The following PLCG1 variants were observed in gnomAD, a reference collection of about 807,000 sequenced individuals.
PLCG1 encodes 1-phosphatidylinositol 4,5-bisphosphate phosphodiesterase gamma-1.
Under a neutral mutation model 177.8 loss-of-function variants are expected in PLCG1, and 71 were observed. The ratio of observed to expected loss-of-function variants is 0.40; its 90% confidence interval spans 0.33 to 0.49. The LOEUF (loss-of-function observed/expected upper bound fraction) is 0.49. Ranked by LOEUF, PLCG1 falls within the 20% of genes least tolerant of loss-of-function variation. PLCG1 has a pLI of 0.72. For missense variants in PLCG1, 1,281 were observed against 1,709.0 expected, an observed-to-expected ratio of 0.75 and a Z score of 4.42; for synonymous variants, 658 against 647.9, an observed-to-expected ratio of 1.02 and a Z score of -0.24.
rs2035685504 is a variant in PLCG1, at chr20:41,166,191, C to T, written c.1800-3C>T. On this transcript the variant is annotated splice_polypyrimidine_tract_variant and splice_region_variant and intron_variant, in intron 16 of 31. Coordinates refer to ENST00000685551, the MANE Select transcript of PLCG1 (RefSeq NM_002660.3). This position sits in a 1 kb window ranked among gnomAD's most constrained non-coding sequence, Gnocchi z 8.6. ...AGCCTCCCTCACTCTGTGTCTTCCA[C>T]AGGCGGAACGGGAAAGTCCAGCACT... The T allele has an allele frequency of 1.9e-6, 3 of 1,612,044 alleles. No individual in the cohort carries two copies. Among genetic ancestry groups the T allele is most frequent in the South Asian group, 2.2e-5 (2 of 91,088 alleles).
chr20:41,162,979 G>A lies in PLCG1; in HGVS notation c.703G>A (p.Ala235Thr). The A allele has an allele frequency of 6.2e-6, 10 of 1,614,112 alleles. No homozygotes were observed. The highest frequency in any genetic ancestry group is 8.5e-6 in the Non-Finnish European group (10 of 1,179,966). The change falls in exon 7 of 32, where the codon GCC (alanine) becomes ACC (threonine). Residue 235 changes from alanine to threonine, a missense_variant. By Grantham distance (58) the Ala-to-Thr change is moderately conservative. Around this residue, in one of 4 missense-constraint regions of PLCG1, gnomAD observed 374 missense variants for 443.8 expected, o/e 0.84. Transcript: ENST00000685551. ...GCAGATGGACCTCCCCTTCTTGGAA[G>A]CCAGTACTCTGAGGTTTGGTTTGGA... ...QKTMDLPFLE[A>T]STLRAGERPE...
In PLCG1 at chr20:41,173,069, T is replaced by C. The variant is rs1263725271; in HGVS notation, c.3279+192T>C. The stretch of plus-strand genomic sequence containing the variant: ...TATGCATCTAGGACGTGCAGAGCCA[T>C]GGTGTGACTTGTTCTGATGACTTGT... On this transcript the variant is annotated intron_variant, in intron 27 of 31. Transcript: ENST00000685551. The surrounding 1 kb of genome is among the most constrained non-coding windows in gnomAD (Gnocchi z 6.2). Among the ~76,000 whole-genome samples, 1 of 152,188 alleles carries C rather than the reference T, an allele frequency of 6.6e-6. No individual in the cohort carries two copies. Among genetic ancestry groups the C allele is most frequent in the Non-Finnish European group, 1.5e-5 (1 of 68,026 alleles).
chr20:41,165,892 A>G lies in PLCG1; in HGVS notation c.1799+66A>G. On this transcript the variant is annotated intron_variant, in intron 16 of 31. Transcript: ENST00000685551. This position sits in a 1 kb window ranked among gnomAD's most constrained non-coding sequence, Gnocchi z 6.6. The stretch of plus-strand genomic sequence containing the variant: ...TGTACACAGACATCACATCACCCAG[A>G]GATAATCAGTTAACATTTGAGCCTT... 1 of 1,296,722 alleles carries G rather than the reference A, an allele frequency of 7.7e-7. No individual in the cohort carries two copies. The allele number at this position is 1,296,722 out of a possible 1,614,324, so 80.3% of individuals were successfully genotyped here.
intron 24 of PLCG1, among the ~76,000 whole-genome samples, chr20:41,171,655 G>T (rs185215468): frequency 1.4e-4 from 21 of 149,918 alleles, no homozygotes; most frequent in Admixed American, 1.4e-3. Context: ...TGGGGTGCTT[G>T]TAAGTGGGCT....
rs1190689776 is a variant in PLCG1, at chr20:41,163,511, A to G, written c.891+32A>G. The G allele has an allele frequency of 6.6e-7, 1 of 1,505,994 alleles. No homozygotes were observed. Among genetic ancestry groups the G allele is most frequent in the Non-Finnish European group, 9.2e-7 (1 of 1,084,556 alleles). The allele number at this position is 1,505,994 out of a possible 1,614,324, so 93.3% of individuals were successfully genotyped here. On this transcript the variant is annotated intron_variant, in intron 9 of 31. Transcript: ENST00000685551. The surrounding 1 kb of genome is among the most constrained non-coding windows in gnomAD (Gnocchi z 5.2). ...CCGATGTTTCACCCATTTTTTGTCAAGAGAATGAGTAGGGGTGACCAGGAC... is the reference window on the plus strand; with the variant it reads ...CCGATGTTTCACCCATTTTTTGTCAGGAGAATGAGTAGGGGTGACCAGGAC...
In PLCG1 at chr20:41,137,688, C is replaced by A; in HGVS notation, c.47C>A (p.Ala16Glu). The change falls in exon 1 of 32, where the codon GCG becomes GAG. Residue 16 changes from alanine to glutamate, a missense_variant. Physicochemically the swap from Ala to Glu is moderately radical, Grantham distance 107 (BLOSUM62 -1). Transcript: ENST00000685551. The surrounding 1 kb of genome is among the most constrained non-coding windows in gnomAD (Gnocchi z 7.3). ...SPCANGCGPGAPSDAEVLHLC... is the reference protein window; with the variant it reads ...SPCANGCGPGEPSDAEVLHLC... ...TGCGCCAACGGCTGCGGGCCCGGCG[C>A]GCCCTCGGACGCCGAGGTGCTGCAC... is the stretch of plus-strand genomic sequence containing the variant. 1 of 1,321,002 alleles carries A rather than the reference C, an allele frequency of 7.6e-7. No individual in the cohort carries two copies. The highest frequency in any genetic ancestry group is 9.7e-7 in the Non-Finnish European group (1 of 1,034,528). 81.8% of individuals were successfully genotyped at this position (1,321,002 alleles called of 1,614,324 possible).
rs765960729 is a variant in PLCG1, at chr20:41,167,980, T to C, written c.2379+51T>C. On this transcript the variant is annotated intron_variant, in intron 20 of 31. Coordinates refer to ENST00000685551, the MANE Select transcript of PLCG1 (RefSeq NM_002660.3). The surrounding 1 kb of genome is among the most constrained non-coding windows in gnomAD (Gnocchi z 4.4). The stretch of plus-strand genomic sequence containing the variant: ...GAAGCTGGGGAGGGTCCCCAGCTGC[T>C]TGGGGCTTCATTTCTGTGTTCTGGG... The C allele has an allele frequency of 8.1e-6, 10 of 1,235,152 alleles. No individual in the cohort carries two copies. The highest frequency in any genetic ancestry group is 2.3e-5 in the East Asian group (1 of 43,122). The allele number at this position is 1,235,152 out of a possible 1,614,324, so 76.5% of individuals were successfully genotyped here. A position where few individuals can be genotyped will look rare whatever the true frequency, so the allele number is the denominator to read the frequency against.
rs1038077093 is a variant in PLCG1 at position 41,167,647 on chromosome 20, C to G, written c.2302-205C>G. On this transcript the variant is annotated intron_variant, in intron 19 of 31. Transcript: ENST00000685551. This position sits in a 1 kb window ranked among gnomAD's most constrained non-coding sequence, Gnocchi z 4.4. ...TTTTAGAATCCTGGGCTGGGCCTTA[C>G]ATGTAAGAATGTGAAGAAAGGAAAG... The G allele has an allele frequency of 1.7e-6, 1 of 581,546 alleles. No homozygotes were observed. Among genetic ancestry groups the G allele is most frequent in the South Asian group, 2.1e-5 (1 of 48,216 alleles). The allele number at this position is 581,546 out of a possible 1,614,324, so 36.0% of individuals were successfully genotyped here. A position where few individuals can be genotyped will look rare whatever the true frequency, so the allele number is the denominator to read the frequency against.
chr20:41,169,334 C>T, intron 22 of PLCG1, 123 bp from the exon 23 acceptor site: 1 of 941,550 alleles, frequency 1.1e-6, no homozygotes, highest in Non-Finnish European at 1.7e-6. Flanking sequence ...CTCCCATATA[C>T]CTGTGCTACA....
chr20:41,160,062 C>G lies in PLCG1; in HGVS notation c.465-44C>G. 1 of 1,609,788 alleles carries G rather than the reference C, an allele frequency of 6.2e-7. No homozygotes were observed. Among genetic ancestry groups the G allele is most frequent in the Non-Finnish European group, 8.5e-7 (1 of 1,176,046 alleles). On this transcript the variant is annotated intron_variant, in intron 3 of 31. Transcript: ENST00000685551. The surrounding 1 kb of genome is among the most constrained non-coding windows in gnomAD (Gnocchi z 5.5). ...GTGCCCAGACATCTCCCAGGCCTGA[C>G]TGTAGATGGAGAAGTGGCCCTCACC...
rs1334644010 is a variant in PLCG1 at position 41,177,370 on chromosome 20, G to A, written c.*2861G>A. On this transcript the variant is annotated 3_prime_UTR_variant, in exon 32 of 32. Transcript: ENST00000685551. ...ATGGCAGGAGCAGTTTCTGACCTCA[G>A]TTGAGTATCTGTGGCCATGAGCAGA... The A allele has an allele frequency of 6.6e-6, 1 of 152,272 alleles. No homozygotes were observed. 9.4% of individuals were successfully genotyped at this position (152,272 alleles called of 1,614,324 possible).
At position 41,166,896 on chromosome 20, in the gene PLCG1, G is replaced by A. The variant is rs768505471; in HGVS notation, c.2301+37G>A. On this transcript the variant is annotated intron_variant, in intron 19 of 31. Coordinates refer to ENST00000685551, the MANE Select transcript of PLCG1 (RefSeq NM_002660.3). This position sits in a 1 kb window ranked among gnomAD's most constrained non-coding sequence, Gnocchi z 8.6. ...GTGGTAGACGGGGCATGGCAGGGGA[G>A]GCAGGAGAGACCCAGAATCTTACCA... 1.3e-6 allele frequency: 2 copies of A among 1,584,800 alleles called. No homozygotes were observed. Among genetic ancestry groups the A allele is most frequent in the African/African-American group, 1.3e-5 (1 of 74,380 alleles).
In PLCG1 at chr20:41,147,741, A is replaced by G. The variant is rs2035037782; in HGVS notation, c.217+9883A>G. On this transcript the variant is annotated intron_variant, in intron 1 of 31. Coordinates refer to ENST00000685551, the MANE Select transcript of PLCG1 (RefSeq NM_002660.3). The surrounding 1 kb of genome is among the most constrained non-coding windows in gnomAD (Gnocchi z 4.0). Reference sequence around the variant, plus strand: ...TCAGGCGCCTGTAACCCAGCTACTCAGGAAGCTGAGGCAGGATAATTGCTT... The same window carrying G: ...TCAGGCGCCTGTAACCCAGCTACTCGGGAAGCTGAGGCAGGATAATTGCTT... Among the ~76,000 whole-genome samples the G allele has an allele frequency of 1.3e-5, 2 of 152,122 alleles. No homozygotes were observed. Among genetic ancestry groups the G allele is most frequent in the Non-Finnish European group, 1.5e-5 (1 of 68,026 alleles).
rs2035048380 is a variant in PLCG1 at position 41,148,018 on chromosome 20, G to A, written c.217+10160G>A. On this transcript the variant is annotated intron_variant, in intron 1 of 31. Coordinates refer to ENST00000685551, the MANE Select transcript of PLCG1 (RefSeq NM_002660.3). The surrounding 1 kb of genome is among the most constrained non-coding windows in gnomAD (Gnocchi z 4.3). ...TTGGCTTGGGCTGGCATGGCGCAAA[G>A]GGAGTGCAGCCAGATGCTGTGGCGG... is the stretch of plus-strand genomic sequence containing the variant. Among the ~76,000 whole-genome samples the A allele has an allele frequency of 6.6e-6, 1 of 152,152 alleles. No homozygotes were observed. Among genetic ancestry groups the A allele is most frequent in the South Asian group, 2.1e-4 (1 of 4,834 alleles).
At position 41,169,449 on chromosome 20, in the gene PLCG1, T is replaced by C. The variant is rs757796792; in HGVS notation, c.2581-8T>C. The C allele has an allele frequency of 1.9e-6, 3 of 1,610,848 alleles. No individual in the cohort carries two copies. In the East Asian group the frequency reaches 6.7e-5, roughly 36 times the overall value. On this transcript the variant is annotated splice_region_variant and splice_polypyrimidine_tract_variant and intron_variant, in intron 22 of 31. Transcript: ENST00000685551. Reference sequence around the variant, plus strand: ...ATGCTGACCATTGGTGGGCTTTGCTTCCCACAGCACTTGGACGAGAACAGC... The same window carrying C: ...ATGCTGACCATTGGTGGGCTTTGCTCCCCACAGCACTTGGACGAGAACAGC...
chr20:41,165,798 T>G lies in PLCG1; in HGVS notation c.1771T>G (p.Phe591Val). 6.3e-7 allele frequency: 1 copy of G among 1,595,432 alleles called. No homozygotes were observed. Among genetic ancestry groups the G allele is most frequent in the Non-Finnish European group, 8.6e-7 (1 of 1,167,516 alleles). The change falls in exon 16 of 32, where the codon TTC (phenylalanine) becomes GTC (valine). Residue 591 changes from phenylalanine (F) to valine (V), a missense_variant. Coordinates refer to ENST00000685551, the MANE Select transcript of PLCG1 (RefSeq NM_002660.3). The surrounding 1 kb of genome is among the most constrained non-coding windows in gnomAD (Gnocchi z 6.6). ...CTTCCTCGTGCGAGAGAGTGAGACC[T>G]TCGTGGGCGACTACACGCTCTCTTT... Reference protein sequence around the residue: ...GSFLVRESETFVGDYTLSFWR... With the variant: ...GSFLVRESETVVGDYTLSFWR...
chr20:41,152,610 A>G (rs2035199573), intron 1 of PLCG1, among the ~76,000 whole-genome samples: 1 of 152,232 alleles, frequency 6.6e-6, no homozygotes, highest in African/African-American at 2.4e-5. Context: ...CTGTTAGATA[A>G]TTAGCTCTGG....
chr20:41,172,925 C>T lies in PLCG1; in HGVS notation c.3279+48C>T, dbSNP rs771909158. ...TCAGGGTAGGAAAGGGGCTGCTTGC[C>T]GTTGGAGTCTGTTTATGTTGAGTTC... is the stretch of plus-strand genomic sequence containing the variant. On this transcript the variant is annotated intron_variant, in intron 27 of 31. Transcript: ENST00000685551. This position sits in a 1 kb window ranked among gnomAD's most constrained non-coding sequence, Gnocchi z 7.0. 3.8e-5 allele frequency: 60 copies of T among 1,589,554 alleles called. No individual in the cohort carries two copies. Among genetic ancestry groups the T allele is most frequent in the Non-Finnish European group, 4.3e-5 (50 of 1,164,066 alleles).
rs1489781572 is a variant in PLCG1 at position 41,150,702 on chromosome 20, T to G, written c.218-8904T>G. The stretch of plus-strand genomic sequence containing the variant: ...ATCCATGATACTCTGAATGCCCTGT[T>G]TGTGGAACTTAGTGGACTCCTGCAC... On this transcript the variant is annotated intron_variant, in intron 1 of 31. Coordinates refer to ENST00000685551, the MANE Select transcript of PLCG1 (RefSeq NM_002660.3). The surrounding 1 kb of genome is among the most constrained non-coding windows in gnomAD (Gnocchi z 4.0). 2.6e-5 allele frequency among the ~76,000 whole-genome samples: 4 copies of G among 152,212 alleles called. No individual in the cohort carries two copies. The highest frequency in any genetic ancestry group is 9.7e-5 in the African/African-American group (4 of 41,450).
Sources: gnomAD v4.1 joint callset for allele counts (sites outside exome capture counted in the v4.1 genomes callset) on GRCh38, gnomAD v4.1.1 for gene constraint, gnomAD v4.1.1 regional missense constraint, Gnocchi (gnomAD v3.1) non-coding constraint, MANE v1.5 for transcripts, NCBI Gene and HGNC (gene_info 2026-07-23, HGNC 2026-07-21) for gene names.